Variants in LAMB2 observed in about 807,000 individuals in gnomAD.
LAMB2 encodes the protein laminin subunit beta 2.
LAMB2 carries 119 observed loss-of-function variants against 202.7 expected under a neutral mutation model. The observed-to-expected ratio is 0.59, with a 90% CI of 0.51 to 0.68. The LOEUF (loss-of-function observed/expected upper bound fraction) is 0.68. Ranked by LOEUF, LAMB2 falls within the 30% of genes least tolerant of loss-of-function variation. The pLI, the probability that LAMB2 is intolerant of heterozygous loss-of-function variation, is 0.00. For missense variants in LAMB2, 2,124 were observed against 2,410.6 expected, an observed-to-expected ratio of 0.88 and a Z score of 2.49; for synonymous variants, 818 against 902.2, an observed-to-expected ratio of 0.91 and a Z score of 1.67.
In LAMB2 at chr3:49,129,133, G is replaced by C; in HGVS notation, c.1618C>G (p.Gln540Glu). The change falls in exon 13 of 32, where the codon CAA (glutamine) becomes GAA (glutamate). Residue 540 changes from glutamine to glutamate, a missense_variant. Physicochemically the swap from Gln to Glu is conservative, Grantham distance 29. Coordinates refer to ENST00000305544, the MANE Select transcript of LAMB2 (RefSeq NM_002292.4). The surrounding 1 kb of genome is among the most constrained non-coding windows in gnomAD (Gnocchi z 6.1). ...LDPQCDEGTG[Q>E]CHCRQHMVGR... ...ACCATGTGCTGGCGGCAGTGGCATT[G>C]ACCTGTGCCCTCATCACACCTGGAG... 3.1e-6 allele frequency: 5 copies of C among 1,614,034 alleles called. No homozygotes were observed. The highest frequency in any genetic ancestry group is 1.7e-5 in the Admixed American group (1 of 60,024).
rs1444252588 is a variant in LAMB2 at position 49,123,766 on chromosome 3, G to A, written c.3759C>T (p.Ala1253=). ...GIVGARNTSA[A]STAQLVEATE... is the part of the protein sequence containing the mutation. Reference sequence around the variant, plus strand: ...TGGCCTCCACAAGCTGTGCAGTGGAGGCGGCTGAGGTGTTGCGGGCACCTA... The same window carrying A: ...TGGCCTCCACAAGCTGTGCAGTGGAAGCGGCTGAGGTGTTGCGGGCACCTA... The change falls in exon 24 of 32, where the codon GCC becomes GCT. Residue 1253 remains alanine, a synonymous_variant. Transcript: ENST00000305544. The A allele has an allele frequency of 6.2e-7, 1 of 1,613,404 alleles. No homozygotes were observed. Among genetic ancestry groups the A allele is most frequent in the Non-Finnish European group, 8.5e-7 (1 of 1,180,038 alleles).
rs768933314 is a variant in LAMB2, at chr3:49,129,979, C to T, written c.1265G>A (p.Arg422His). 22 of 1,614,036 alleles carry T rather than the reference C, an allele frequency of 1.4e-5. No homozygotes were observed. The East Asian group carries it at 2.9e-4, about 21-fold the overall frequency. The change falls in exon 10 of 32, where the codon CGC (arginine) becomes CAC (histidine). Residue 422 changes from arginine to histidine, a missense_variant. Transcript: ENST00000305544. The surrounding 1 kb of genome is among the most constrained non-coding windows in gnomAD (Gnocchi z 6.1). Reference protein sequence around the residue: ...CDPMGSQDGGRCDSHDDPALG... With the variant: ...CDPMGSQDGGHCDSHDDPALG... ...TGCAGGGTCATCATGGGAATCACAG[C>T]GACCACCGTCTTGAGAACCCATGGG...
chr3:49,129,651 A>G lies in LAMB2; in HGVS notation c.1471T>C (p.Cys491Arg). The change falls in exon 11 of 32, where the codon TGT becomes CGT. Residue 491 changes from cysteine to arginine, a missense_variant. Cys to Arg is a radical substitution (Grantham distance 180). Coordinates refer to ENST00000305544, the MANE Select transcript of LAMB2 (RefSeq NM_002292.4). The surrounding 1 kb of genome is among the most constrained non-coding windows in gnomAD (Gnocchi z 6.1). ...CCAGTCACTAGACGTTTGCAGTAACAGGATCCACTGTTGGGGTCACAAGGA... is the reference window on the plus strand; with the variant it reads ...CCAGTCACTAGACGTTTGCAGTAACGGGATCCACTGTTGGGGTCACAAGGA... Reference protein sequence around the residue: ...STPCDPNSGSCYCKRLVTGRG... With the variant: ...STPCDPNSGSRYCKRLVTGRG... The G allele has an allele frequency of 6.2e-7, 1 of 1,614,172 alleles. No individual in the cohort carries two copies. The highest frequency in any genetic ancestry group is 8.5e-7 in the Non-Finnish European group (1 of 1,180,000).
intron 21 of LAMB2, 43 bp from the exon 22 acceptor site, chr3:49,124,655 G>C (rs761299055): frequency 1.2e-6 from 2 of 1,613,834 alleles, no homozygotes; most frequent in South Asian, 2.2e-5. Context: ...AGGAGGCCAA[G>C]AAGCAGAACC....
rs2045486387 is a variant in LAMB2, at chr3:49,131,941, T to C, written c.459+175A>G. 1.3e-5 allele frequency among the ~76,000 whole-genome samples: 2 copies of C among 151,892 alleles called. No homozygotes were observed. Among genetic ancestry groups the C allele is most frequent in the Admixed American group, 6.6e-5 (1 of 15,258 alleles). On this transcript the variant is annotated intron_variant, in intron 4 of 31. Coordinates refer to ENST00000305544, the MANE Select transcript of LAMB2 (RefSeq NM_002292.4). This position sits in a 1 kb window ranked among gnomAD's most constrained non-coding sequence, Gnocchi z 5.0. ...AGACAGCGCCTGACCCAGCCTGGGA[T>C]TGGAAAGGCAGAAGAGCATGTGCAA...
rs774216450 is a variant in LAMB2, at chr3:49,121,478, G to A, written c.5215C>T (p.Arg1739Trp). The change falls in exon 31 of 32, where the codon CGG becomes TGG. Residue 1739 changes from arginine (R) to tryptophan (W), a missense_variant. Coordinates refer to ENST00000305544, the MANE Select transcript of LAMB2 (RefSeq NM_002292.4). Reference sequence around the variant, plus strand: ...TCCTGAGCGGCTTGCAACAGGTCCCGAGCCTCATCCCGCAGTTGTTCTGCC... The same window carrying A: ...TCCTGAGCGGCTTGCAACAGGTCCCAAGCCTCATCCCGCAGTTGTTCTGCC... ...ARAEQLRDEA[R>W]DLLQAAQDKL... 5 of 1,613,914 alleles carry A rather than the reference G, an allele frequency of 3.1e-6. No homozygotes were observed. The highest frequency in any genetic ancestry group is 1.3e-5 in the African/African-American group (1 of 74,910).
rs1328074837 is a variant in LAMB2 at position 49,129,739 on chromosome 3, G to A, written c.1406-23C>T. 1.9e-6 allele frequency: 3 copies of A among 1,610,736 alleles called. No homozygotes were observed. Among genetic ancestry groups the A allele is most frequent in the Non-Finnish European group, 2.5e-6 (3 of 1,177,010 alleles). ...ATCCTGCAGGGAAGGAGAACCATCAGCACTTTGGGAAACTGTGGCAGTGCT... is the reference window on the plus strand; with the variant it reads ...ATCCTGCAGGGAAGGAGAACCATCAACACTTTGGGAAACTGTGGCAGTGCT... On this transcript the variant is annotated intron_variant, in intron 10 of 31. Transcript: ENST00000305544. The surrounding 1 kb of genome is among the most constrained non-coding windows in gnomAD (Gnocchi z 6.1).
At position 49,128,684 on chromosome 3, in the gene LAMB2, G is replaced by A; in HGVS notation, c.1867C>T (p.Leu623=). 1.9e-6 allele frequency: 3 copies of A among 1,614,190 alleles called. No homozygotes were observed. Among genetic ancestry groups the A allele is most frequent in the Non-Finnish European group, 2.5e-6 (3 of 1,180,042 alleles). The change falls in exon 14 of 32, where the codon CTG becomes TTG. Residue 623 remains leucine, a synonymous_variant. Transcript: ENST00000305544. ...ACCTGGGGCTCTAAGCGCAGCAGCAGGTCATAGTCCATAGCCTTCGGCACA... is the reference window on the plus strand; with the variant it reads ...ACCTGGGGCTCTAAGCGCAGCAGCAAGTCATAGTCCATAGCCTTCGGCACA... ...ASVPKAMDYD[L]LLRLEPQVPE...
In LAMB2 at chr3:49,132,152, A is replaced by G. The variant is rs1380690429; in HGVS notation, c.423T>C (p.Ala141=). The G allele has an allele frequency of 1.2e-6, 2 of 1,614,098 alleles. No homozygotes were observed. The highest frequency in any genetic ancestry group is 2.7e-5 in the African/African-American group (2 of 74,946). ...TAATGAGGTGTGTGAAATGAAACTC[A>G]GCCTCCAGGTCCAGCTGGATGGTGA... ...PAVTIQLDLE[A]EFHFTHLIMT... Residue 141 remains alanine (A), a synonymous_variant, in exon 4 of 32, where the codon GCT becomes GCC. Coordinates refer to ENST00000305544, the MANE Select transcript of LAMB2 (RefSeq NM_002292.4). This position sits in a 1 kb window ranked among gnomAD's most constrained non-coding sequence, Gnocchi z 4.6.
Position 49,131,538 on chromosome 3 carries a change from G to A in LAMB2, c.645C>T (p.Gly215=), listed in dbSNP as rs775332690. ...RYSEIEPSTE[G]EVIYRVLDPA... ...CAGCCCAGATGCCAGCCCTCACCTC[G>A]CCTTCAGTGGATGGCTCAATCTCTG... Residue 215 remains glycine (G), a synonymous_variant, in exon 5 of 32, where the codon GGC becomes GGT. Transcript: ENST00000305544. The surrounding 1 kb of genome is among the most constrained non-coding windows in gnomAD (Gnocchi z 5.0). 11 of 1,613,814 alleles carry A rather than the reference G, an allele frequency of 6.8e-6. No homozygotes were observed. Among genetic ancestry groups the A allele is most frequent in the African/African-American group, 1.3e-5 (1 of 74,892 alleles).
chr3:49,125,594 C>A, intron 18 of LAMB2, 110 bp from the exon 19 acceptor site: 1 of 1,402,706 alleles, frequency 7.1e-7, no homozygotes, highest in South Asian at 1.3e-5. Flanking sequence ...GTGGGAAGGT[C>A]AGGAAATGGA....
In LAMB2 at chr3:49,124,245, C is replaced by T. The variant is rs774428432; in HGVS notation, c.3369G>A (p.Arg1123=). Residue 1123 remains arginine (R), a synonymous_variant, in exon 23 of 32, where the codon CGG becomes CGA. Transcript: ENST00000305544. ...GGAGCTCTTGGCACTCAGAACAAGT[C>T]CGCCCTCCAAAGCCGGCACGGCAGT... ...QCHCRAGFGG[R]TCSECQELHW... 45 of 1,613,868 alleles carry T rather than the reference C, an allele frequency of 2.8e-5. No homozygotes were observed. The highest frequency in any genetic ancestry group is 3.6e-5 in the Non-Finnish European group (42 of 1,179,962).
chr3:49,123,269 T>G lies in LAMB2; in HGVS notation c.4087A>C (p.Ser1363Arg). ...AVPSPVSNSA[S>R]ARHRTEALMD... ...AGTGCCTCTGTCCGATGCCGAGCAC[T>G]TGCCGAGTTGCTCACAGGGCTAGGT... The change falls in exon 26 of 32, where the codon AGT becomes CGT. Residue 1363 changes from serine to arginine, a missense_variant. Physicochemically the swap from Ser to Arg is moderately radical, Grantham distance 110. Transcript: ENST00000305544. The G allele has an allele frequency of 6.2e-7, 1 of 1,614,104 alleles. No individual in the cohort carries two copies. The highest frequency in any genetic ancestry group is 8.5e-7 in the Non-Finnish European group (1 of 1,180,034).
Position 49,132,018 on chromosome 3 carries a change from C to T in LAMB2, c.459+98G>A. On this transcript the variant is annotated intron_variant, in intron 4 of 31. Transcript: ENST00000305544. This position sits in a 1 kb window ranked among gnomAD's most constrained non-coding sequence, Gnocchi z 4.6. ...AAGGGATGAAGGAGCCTCCTGCATC[C>T]ATGCTCAAGGAGGCTGTGTTAAGGA... 8.4e-7 allele frequency: 1 copy of T among 1,189,774 alleles called. No individual in the cohort carries two copies. The highest frequency in any genetic ancestry group is 1.3e-6 in the Non-Finnish European group (1 of 796,002). The allele number at this position is 1,189,774 out of a possible 1,614,324, so 73.7% of individuals were successfully genotyped here. A position where few individuals can be genotyped will look rare whatever the true frequency, so the allele number is the denominator to read the frequency against.
rs1363102372 is a variant in LAMB2 at position 49,127,843 on chromosome 3, A to G, written c.2018+615T>C. Among the ~76,000 whole-genome samples the G allele has an allele frequency of 4.0e-5, 6 of 151,596 alleles. No homozygotes were observed. The South Asian group carries it at 1.3e-3, about 32-fold the overall frequency. On this transcript the variant is annotated intron_variant, in intron 15 of 31. Coordinates refer to ENST00000305544, the MANE Select transcript of LAMB2 (RefSeq NM_002292.4). Reference sequence around the variant, plus strand: ...AGGCCATCCTGGCCAACATGGTGAAACCCCATCTCTACTAAAAATACAAAA... The same window carrying G: ...AGGCCATCCTGGCCAACATGGTGAAGCCCCATCTCTACTAAAAATACAAAA...
intron 15 of LAMB2, 145 bp downstream of exon 15, chr3:49,128,313 A>T: frequency 9.2e-7 from 1 of 1,090,796 alleles, no homozygotes; most frequent in Non-Finnish European, 1.3e-6. Flanking sequence ...GCCATGCCCA[A>T]CAGGGCCTGG....
chr3:49,127,180 C>T (rs1203367673), intron 15 of LAMB2, among the ~76,000 whole-genome samples: 1 of 152,132 alleles, frequency 6.6e-6, no homozygotes, highest in Non-Finnish European at 1.5e-5. Context: ...GAGACAGGGT[C>T]TCGCCATGTT....
chr3:49,122,647 A>T, intron 27 of LAMB2, 57 bp downstream of exon 27: 1 of 1,390,348 alleles, frequency 7.2e-7, no homozygotes, highest in Non-Finnish European at 1.0e-6. Context: ...GGAGATACAG[A>T]CACCGGGAGT....
chr3:49,129,863 T>C lies in LAMB2; in HGVS notation c.1381A>G (p.Ile461Val), dbSNP rs777007393. 1 of 1,613,898 alleles carries C rather than the reference T, an allele frequency of 6.2e-7. No individual in the cohort carries two copies. The highest frequency in any genetic ancestry group is 8.5e-7 in the Non-Finnish European group (1 of 1,180,034). Residue 461 changes from isoleucine to valine, a missense_variant, in exon 10 of 32, where the codon ATC becomes GTC. Transcript: ENST00000305544. The surrounding 1 kb of genome is among the most constrained non-coding windows in gnomAD (Gnocchi z 6.1). ...CGCCGGCAGCCCAGACGGTCACTGA[T>C]GCTGAGCCCAAAGAAGCCATCACGG... ...QCRDGFFGLS[I>V]SDRLGCRRCQ...
Sources: gnomAD v4.1 joint callset for allele counts (sites outside exome capture counted in the v4.1 genomes callset) on GRCh38, gnomAD v4.1.1 for gene constraint, Gnocchi (gnomAD v3.1) non-coding constraint, MANE v1.5 for transcripts, NCBI Gene and HGNC (gene_info 2026-07-23, HGNC 2026-07-21) for gene names.